Variants in MRRF observed in about 807,000 individuals in gnomAD.
MRRF encodes mitochondrial ribosome recycling factor.
Under a neutral mutation model 25.1 loss-of-function variants are expected in MRRF, and 18 were observed. The observed-to-expected ratio is 0.72, with a 90% confidence interval of 0.50 to 1.06. MRRF has a LOEUF of 1.06. Among genes scored for constraint, MRRF ranks in the 50% least tolerant of loss-of-function variants. MRRF has a pLI of 0.00. For missense variants in MRRF, 323 were observed against 319.3 expected (o/e 1.01, Z -0.09); for synonymous variants, 113 against 112.1 (o/e 1.01, Z -0.05).
In MRRF at chr9:122,327,169, G is replaced by T. The variant is rs1253140338; in HGVS notation, c.*4552G>T. On this transcript the variant is annotated 3_prime_UTR_variant, in exon 7 of 7. Coordinates refer to ENST00000344641, the MANE Select transcript of MRRF (RefSeq NM_138777.5). The stretch of plus-strand genomic sequence containing the variant: ...TGGTAGCTCTTATGGAGACAGTAAA[G>T]ATTACATATTAATCCCCCACCTGTT... The T allele has an allele frequency of 1.3e-5, 2 of 152,184 alleles. No individual in the cohort carries two copies. The highest frequency in any genetic ancestry group is 2.9e-5 in the Non-Finnish European group (2 of 68,024). The allele number at this position is 152,184 out of a possible 1,614,324, so 9.4% of individuals were successfully genotyped here. A position where few individuals can be genotyped will look rare whatever the true frequency, so the allele number is the denominator to read the frequency against.
In MRRF at chr9:122,322,561, A is replaced by T; in HGVS notation, c.733A>T (p.Thr245Ser). The T allele has an allele frequency of 6.2e-7, 1 of 1,614,164 alleles. No homozygotes were observed. Among genetic ancestry groups the T allele is most frequent in the Non-Finnish European group, 8.5e-7 (1 of 1,180,026 alleles). ...EKQISQMADDTVAELDRHLAV... is the reference protein window; with the variant it reads ...EKQISQMADDSVAELDRHLAV... ...GCAGATCAGCCAAATGGCCGATGAC[A>T]CAGTGGCAGAACTGGACAGGCATCT... Residue 245 changes from threonine (T) to serine (S), a missense_variant, in exon 7 of 7, where the codon ACA (threonine) becomes TCA (serine). Transcript: ENST00000344641.
intron 2 of MRRF, among the ~76,000 whole-genome samples, chr9:122,276,956 GC>G (rs1832814874): frequency 6.6e-6 from 1 of 152,076 alleles, no homozygotes; most frequent in Non-Finnish European, 1.5e-5. Context: ...AATCTTCTGG[GC>G]TCAACTGATT....
In MRRF at chr9:122,325,884, A is replaced by T. The variant is rs950462617; in HGVS notation, c.*3267A>T. On this transcript the variant is annotated 3_prime_UTR_variant, in exon 7 of 7. Transcript: ENST00000344641. ...CTGTCGCCCATCATGCAGTGGCACA[A>T]TCATAGCTCACTGCAGCCTTGAACT... 3 of 151,608 alleles carry T rather than the reference A, an allele frequency of 2.0e-5. No individual in the cohort carries two copies. The highest frequency in any genetic ancestry group is 2.9e-5 in the Non-Finnish European group (2 of 68,006). 9.4% of individuals were successfully genotyped at this position (151,608 alleles called of 1,614,324 possible).
chr9:122,312,791 G>A (rs929305680), intron 5 of MRRF, among the ~76,000 whole-genome samples: 1 of 152,106 alleles, frequency 6.6e-6, no homozygotes, highest in Non-Finnish European at 1.5e-5. Context: ...TCCTTTCTTT[G>A]TTATCAGTGC....
At chr9:122,308,014 A>C (rs145962187) in intron 5 of MRRF, among the ~76,000 whole-genome samples, 1 of 152,192 alleles carries the variant, frequency 6.6e-6, no homozygotes, top group Non-Finnish European at 1.5e-5. Flanking sequence ...GCAGTGGGGC[A>C]TGCCCTCTGC....
intron 3 of MRRF, among the ~76,000 whole-genome samples, chr9:122,284,054 C>T (rs1833238128): frequency 6.6e-6 from 1 of 151,522 alleles, no homozygotes; most frequent in Non-Finnish European, 1.5e-5. Flanking sequence ...AATGAAGGGT[C>T]GTATAAGCAA....
At chr9:122,301,851 A>G (rs1252036801) in intron 5 of MRRF, among the ~76,000 whole-genome samples, 1 of 151,468 alleles carries the variant, frequency 6.6e-6, no homozygotes, top group African/African-American at 2.4e-5. Context: ...CTCCTGCCTC[A>G]GCCTCCTGAG....
chr9:122,306,768 A>G (rs1248118854), intron 5 of MRRF, among the ~76,000 whole-genome samples: 2 of 152,190 alleles, frequency 1.3e-5, no homozygotes, highest in Non-Finnish European at 2.9e-5. Context: ...GAAAGAGAAG[A>G]CAAGTGACTT....
chr9:122,330,519 A>G lies in MRRF; in HGVS notation c.*7902A>G, dbSNP rs975010989. The G allele has an allele frequency of 5.3e-5, 8 of 152,246 alleles. No individual in the cohort carries two copies. Among genetic ancestry groups the G allele is most frequent in the Non-Finnish European group, 8.8e-5 (6 of 68,064 alleles). 9.4% of individuals were successfully genotyped at this position (152,246 alleles called of 1,614,324 possible). On this transcript the variant is annotated 3_prime_UTR_variant, in exon 7 of 7. Coordinates refer to ENST00000344641, the MANE Select transcript of MRRF (RefSeq NM_138777.5). This position sits in a 1 kb window ranked among gnomAD's most constrained non-coding sequence, Gnocchi z 4.2. Reference sequence around the variant, plus strand: ...ACTCCCCAGGCCTCCTCTTCCTGATAATAATAGTGGCTAACAAGTTTTACT... The same window carrying G: ...ACTCCCCAGGCCTCCTCTTCCTGATGATAATAGTGGCTAACAAGTTTTACT...
chr9:122,301,732 ATTT>A (rs367892122), intron 5 of MRRF, among the ~76,000 whole-genome samples: 4 of 143,330 alleles, frequency 2.8e-5, no homozygotes, highest in African/African-American at 1.0e-4. Flanking sequence ...CTGCATGGTG[ATTT>A]TTTTTTTTTT....
At chr9:122,285,870 C>A in intron 4 of MRRF, 5 of 1,284,242 alleles carry the variant, frequency 3.9e-6, no homozygotes, top group Non-Finnish European at 5.1e-6. Flanking sequence ...TTGGAGCAGA[C>A]CCTCCAGGAA....
intron 2 of MRRF, among the ~76,000 whole-genome samples, chr9:122,274,171 A>G: frequency 6.6e-6 from 1 of 152,180 alleles, no homozygotes; most frequent in Non-Finnish European, 1.5e-5. Context: ...CTGACTTTAT[A>G]GGAAACACTT....
intron 6 of MRRF, among the ~76,000 whole-genome samples, chr9:122,315,929 G>C (rs186867788): frequency 2.0e-5 from 3 of 152,164 alleles, no homozygotes; most frequent in African/African-American, 4.8e-5. Flanking sequence ...CATTAGCACT[G>C]GCTTTTCGCC....
rs374317556 is a variant in MRRF at position 122,314,094 on chromosome 9, A to G, written c.711+708A>G. Reference sequence around the variant, plus strand: ...TGTCCCACATTGGCTGTGCATCTATATTAGTCATGTATGGCCACAATAATG... The same window carrying G: ...TGTCCCACATTGGCTGTGCATCTATGTTAGTCATGTATGGCCACAATAATG... On this transcript the variant is annotated intron_variant, in intron 6 of 6. Transcript: ENST00000344641. 2.0e-5 allele frequency among the ~76,000 whole-genome samples: 3 copies of G among 152,210 alleles called. No homozygotes were observed. In the South Asian group the frequency reaches 6.2e-4, roughly 32 times the overall value.
At chr9:122,317,770 T>G (rs1413142008) in intron 6 of MRRF, among the ~76,000 whole-genome samples, 12 of 152,190 alleles carry the variant, frequency 7.9e-5, no homozygotes, top group Admixed American at 7.9e-4. Context: ...CTTTTTTAAT[T>G]TTCAAAAATC....
At chr9:122,307,010 C>T (rs1834888995) in intron 5 of MRRF, among the ~76,000 whole-genome samples, 1 of 152,154 alleles carries the variant, frequency 6.6e-6, no homozygotes, top group African/African-American at 2.4e-5. Context: ...GGGACACCTA[C>T]AGAAGATCTA....
Position 122,322,627 on chromosome 9 carries a change from G to T in MRRF, c.*10G>T. On this transcript the variant is annotated 3_prime_UTR_variant, in exon 7 of 7. Coordinates refer to ENST00000344641, the MANE Select transcript of MRRF (RefSeq NM_138777.5). ...AGAACTCCTTGGATGAAAGTCCACTGGGGCCAGCAATACTCCAGAGCCCAG... is the reference window on the plus strand; with the variant it reads ...AGAACTCCTTGGATGAAAGTCCACTTGGGCCAGCAATACTCCAGAGCCCAG... 1 of 1,613,702 alleles carries T rather than the reference G, an allele frequency of 6.2e-7. No individual in the cohort carries two copies. Among genetic ancestry groups the T allele is most frequent in the Non-Finnish European group, 8.5e-7 (1 of 1,179,722 alleles).
At chr9:122,300,540 T>C (rs1834381178) in intron 5 of MRRF, among the ~76,000 whole-genome samples, 2 of 152,348 alleles carry the variant, frequency 1.3e-5, no homozygotes, top group Middle Eastern at 3.4e-3. Context: ...GAGTATTTGT[T>C]ATTATCTAAT....
chr9:122,296,882 A>G (rs1834119211), intron 5 of MRRF, among the ~76,000 whole-genome samples: 1 of 152,246 alleles, frequency 6.6e-6, no homozygotes. Context: ...TAATGCTATA[A>G]GGAAACTATG....
Sources: allele counts gnomAD v4.1 joint callset (sites outside exome capture counted in the v4.1 genomes callset), GRCh38; gene constraint gnomAD v4.1.1; non-coding constraint Gnocchi (gnomAD v3.1); transcripts MANE v1.5; gene names NCBI Gene and HGNC (gene_info 2026-07-23, HGNC 2026-07-21).